The following FOXP2 variants were observed in gnomAD, a reference collection of about 807,000 sequenced individuals.
The protein encoded by FOXP2 is forkhead box P2.
Under a neutral mutation model 115.8 loss-of-function variants are expected in FOXP2, and 12 were observed. The ratio of observed to expected loss-of-function variants is 0.10; its 90% CI spans 0.07 to 0.17. The LOEUF (loss-of-function observed/expected upper bound fraction) is 0.17. Among genes scored for constraint, FOXP2 ranks in the 10% least tolerant of loss-of-function variants. FOXP2 has a pLI of 1.00. For missense variants in FOXP2, 629 were observed against 843.5 expected (o/e 0.75, Z 3.15); for synonymous variants, 328 against 297.7 (o/e 1.10, Z -1.05).
chr7:114,091,092 A>T (rs1799534263), intron 1 of FOXP2, among the ~76,000 whole-genome samples: 1 of 151,864 alleles, frequency 6.6e-6, no homozygotes, highest in South Asian at 2.1e-4. Context: ...TCTTTCCTGT[A>T]AAATAAATGG....
At chr7:114,646,972 T>C (rs1805945270) in intron 8 of FOXP2, among the ~76,000 whole-genome samples, 1 of 151,938 alleles carries the variant, frequency 6.6e-6, no homozygotes, top group Non-Finnish European at 1.5e-5. Flanking sequence ...ATAGGTAAAT[T>C]AAAAAGCTGT....
chr7:114,556,722 A>C (rs1800475020), intron 3 of FOXP2, among the ~76,000 whole-genome samples: 1 of 152,226 alleles, frequency 6.6e-6, no homozygotes, highest in African/African-American at 2.4e-5. Flanking sequence ...TGAAAGCATA[A>C]TACCCTATAT....
chr7:114,640,851 C>G (rs1195168219), intron 6 of FOXP2, among the ~76,000 whole-genome samples: 1 of 152,136 alleles, frequency 6.6e-6, no homozygotes, highest in Admixed American at 6.5e-5. Context: ...ATTCTGCCCA[C>G]TGATCATAAA....
intron 1 of FOXP2, among the ~76,000 whole-genome samples, chr7:114,115,956 A>G (rs908004910): frequency 6.6e-6 from 1 of 152,204 alleles, no homozygotes; most frequent in Non-Finnish European, 1.5e-5. Flanking sequence ...GAATGAATTT[A>G]AAGTGCCTTC....
intron 2 of FOXP2, among the ~76,000 whole-genome samples, chr7:114,516,901 GC>G (rs1562970959): frequency 6.6e-6 from 1 of 151,932 alleles, no homozygotes; most frequent in East Asian, 1.9e-4. Flanking sequence ...TCACCATGTT[GC>G]CCAGAATGGT....
chr7:114,381,155 C>T (rs1345537837), intron 2 of FOXP2, among the ~76,000 whole-genome samples: 1 of 152,292 alleles, frequency 6.6e-6, no homozygotes, highest in East Asian at 1.9e-4. Context: ...TGCCAAGGAA[C>T]CTTCTTAGTT....
chr7:114,351,307 G>A (rs1038800773), intron 2 of FOXP2, among the ~76,000 whole-genome samples: 8 of 152,068 alleles, frequency 5.3e-5, no homozygotes, highest in African/African-American at 1.9e-4. Flanking sequence ...AATGCTACTG[G>A]TAATTTTGTC....
At chr7:114,646,522 A>G (rs1805905225) in intron 8 of FOXP2, among the ~76,000 whole-genome samples, 1 of 152,088 alleles carries the variant, frequency 6.6e-6, no homozygotes, top group Non-Finnish European at 1.5e-5. Context: ...TTTCCTTTCA[A>G]TTAAATATCA....
chr7:114,614,533 T>C (rs1803822104), intron 3 of FOXP2, among the ~76,000 whole-genome samples: 1 of 152,194 alleles, frequency 6.6e-6, no homozygotes, highest in South Asian at 2.1e-4. Flanking sequence ...TATTTTCTTT[T>C]ATGGACTCTG....
chr7:114,460,887 A>G (rs906385830), intron 2 of FOXP2, among the ~76,000 whole-genome samples: 2 of 152,058 alleles, frequency 1.3e-5, no homozygotes, highest in African/African-American at 4.8e-5. Flanking sequence ...GAACTTGGGG[A>G]TTACTTTTTA....
intron 1 of FOXP2, among the ~76,000 whole-genome samples, chr7:114,418,213 G>T (rs945620568): frequency 3.9e-5 from 6 of 152,034 alleles, no homozygotes; most frequent in South Asian, 2.1e-4. Flanking sequence ...CATAAATCTT[G>T]TCTGGTATGA....
intron 1 of FOXP2, among the ~76,000 whole-genome samples, chr7:114,139,724 TTAG>T (rs1257268458): frequency 1.3e-5 from 2 of 152,202 alleles, no homozygotes; most frequent in Non-Finnish European, 2.9e-5. Flanking sequence ...GTTGTTGTTG[TTAG>T]CCTGCCTTTA....
intron 3 of FOXP2, among the ~76,000 whole-genome samples, chr7:114,628,001 A>T (rs965138409): frequency 2.6e-5 from 4 of 151,954 alleles, no homozygotes; most frequent in African/African-American, 9.7e-5. Context: ...TTTTATTACT[A>T]TATTTATTTT....
intron 2 of FOXP2, among the ~76,000 whole-genome samples, chr7:114,511,494 A>T (rs533476192): frequency 6.6e-6 from 1 of 152,322 alleles, no homozygotes; most frequent in East Asian, 1.9e-4. Flanking sequence ...GAGTGTGAGC[A>T]TTGGGGGAAG....
intron 2 of FOXP2, among the ~76,000 whole-genome samples, chr7:114,364,014 A>T (rs1527150): frequency 0.96 from 145,658 of 152,248 alleles, 69,942 homozygotes; most frequent in East Asian, 1. Context: ...AAGTTGACTT[A>T]AATCAACTGA....
intron 3 of FOXP2, among the ~76,000 whole-genome samples, chr7:114,555,407 TAATGACAAGGG>T (rs1323109021): frequency 6.6e-6 from 1 of 152,178 alleles, no homozygotes; most frequent in East Asian, 1.9e-4. Context: ...GAGATCAAAG[TAATGACAAGGG>T]GATGACAAGG....
chr7:114,140,396 G>A (rs1792173787), intron 1 of FOXP2, among the ~76,000 whole-genome samples: 1 of 152,100 alleles, frequency 6.6e-6, no homozygotes, highest in Admixed American at 6.6e-5. Flanking sequence ...TTTGCCCTTG[G>A]CTTGAACCTT....
At chr7:114,581,764 A>G (rs1319113290) in intron 3 of FOXP2, among the ~76,000 whole-genome samples, 1 of 152,184 alleles carries the variant, frequency 6.6e-6, no homozygotes, top group African/African-American at 2.4e-5. Context: ...TGTTTTCCCT[A>G]TGCATTCCTT....
chr7:114,658,318 G>C (rs1188908201), intron 11 of FOXP2, 51 bp downstream of exon 11: 1 of 1,568,340 alleles, frequency 6.4e-7, no homozygotes, highest in Non-Finnish European at 8.7e-7. Context: ...GAGGAAAACT[G>C]TAGCTGAATC....
Sources: gnomAD v4.1 joint callset for allele counts (sites outside exome capture counted in the v4.1 genomes callset) on GRCh38, gnomAD v4.1.1 for gene constraint, MANE v1.5 for transcripts, NCBI Gene and HGNC (gene_info 2026-07-23, HGNC 2026-07-21) for gene names.